LUZP1: variants seen among roughly 807,000 people sequenced by gnomAD.
The protein encoded by LUZP1 is leucine zipper protein 1.
In LUZP1, 25 loss-of-function variants were observed where a neutral mutation model predicts 71.3. That is an observed-to-expected ratio of 0.35 (90% CI 0.26 to 0.49). The LOEUF (loss-of-function observed/expected upper bound fraction) is 0.49. Ranked by LOEUF, LUZP1 falls within the 20% of genes least tolerant of loss-of-function variation. The probability of loss-of-function intolerance (pLI) is 0.99; values close to 1 mark genes in which losing one functional copy is unlikely to be tolerated. For synonymous variants in LUZP1, 481 were observed against 506.4 expected (o/e 0.95, Z 0.67); for missense variants, 1,142 against 1,300.8 (o/e 0.88, Z 1.88).
chr1:23,151,345 T>C lies in LUZP1; in HGVS notation c.-226+17421A>G, dbSNP rs546419521. Among the ~76,000 whole-genome samples, 7 of 152,232 alleles carry C rather than the reference T, an allele frequency of 4.6e-5. No homozygotes were observed. The East Asian group carries it at 1.2e-3, about 25-fold the overall frequency. On this transcript the variant is annotated intron_variant, in intron 2 of 4. Coordinates refer to ENST00000302291, the Ensembl canonical transcript of LUZP1. ...AGACATGAGCCACCGCACCCAGCCA[T>C]AACTGGGTCTTCTAAGCCCCCTTTG...
At chr1:23,154,775 C>T (rs558426618) in intron 2 of LUZP1, among the ~76,000 whole-genome samples, 6 of 146,800 alleles carry the variant, frequency 4.1e-5, no homozygotes, top group African/African-American at 1.5e-4. Flanking sequence ...AGGGTGGTCT[C>T]GATCTCCTGG....
chr1:23,092,900 C>T, exon 4 of LUZP1: 1 of 1,613,800 alleles, frequency 6.2e-7, no homozygotes, highest in Non-Finnish European at 8.5e-7. Flanking sequence ...CGGGTACAAA[C>T]CGGTCTTCAG....
intron 2 of LUZP1, among the ~76,000 whole-genome samples, chr1:23,111,139 G>A (rs1043891177): frequency 6.8e-6 from 1 of 146,656 alleles, no homozygotes; most frequent in Non-Finnish European, 1.5e-5. Flanking sequence ...GGCGGAGTTT[G>A]TGGTGAGCCC....
chr1:23,156,617 G>T (rs1644422352), intron 2 of LUZP1, among the ~76,000 whole-genome samples: 1 of 151,916 alleles, frequency 6.6e-6, no homozygotes. Flanking sequence ...TTGTAATATG[G>T]GTCATATTCA....
At position 23,100,501 on chromosome 1, in the gene LUZP1, T is replaced by C. The variant is rs117035586; in HGVS notation, c.-119-6121A>G. 3.9e-4 allele frequency among the ~76,000 whole-genome samples: 59 copies of C among 152,244 alleles called. 1 individual carries two copies. In the East Asian group the frequency reaches 9.3e-3, roughly 24 times the overall value. ...AGGTCTATGCCACACAAACAGGACA[T>C]AGACATCAAAAAACCACAACACTCA... is the stretch of plus-strand genomic sequence containing the variant. On this transcript the variant is annotated intron_variant, in intron 3 of 4. Coordinates refer to ENST00000302291, the Ensembl canonical transcript of LUZP1.
intron 3 of LUZP1, among the ~76,000 whole-genome samples, chr1:23,098,143 T>C (rs527358572): frequency 2.0e-5 from 3 of 152,274 alleles, no homozygotes; most frequent in Non-Finnish European, 1.5e-5. Flanking sequence ...GAAACCAGAA[T>C]TGGACTGAAC....
chr1:23,165,959 C>T (rs1644506279), intron 2 of LUZP1, among the ~76,000 whole-genome samples: 1 of 150,144 alleles, frequency 6.7e-6, no homozygotes, highest in South Asian at 2.1e-4. Context: ...AACAGAAATG[C>T]TTTCATCATA....
chr1:23,136,740 CTACTAAAAA>C (rs1223956141), intron 2 of LUZP1, among the ~76,000 whole-genome samples: 4 of 152,208 alleles, frequency 2.6e-5, no homozygotes, highest in Admixed American at 6.5e-5. Flanking sequence ...AACCCTGTCT[CTACTAAAAA>C]TACTAAAAAT....
chr1:23,114,756 T>C (rs1283752887), intron 2 of LUZP1, among the ~76,000 whole-genome samples: 1 of 152,212 alleles, frequency 6.6e-6, no homozygotes, highest in African/African-American at 2.4e-5. Flanking sequence ...ACGCACCCTC[T>C]AAGTGTAGAG....
chr1:23,092,769 C>T (rs749655719), exon 4 of LUZP1: 1 of 1,613,788 alleles, frequency 6.2e-7, no homozygotes, highest in South Asian at 1.1e-5. Context: ...CTTCAGTCCG[C>T]TCTCGGTGCC....
intron 2 of LUZP1, among the ~76,000 whole-genome samples, chr1:23,111,619 G>A (rs1189986337): frequency 1.3e-5 from 2 of 152,090 alleles, no homozygotes; most frequent in Non-Finnish European, 2.9e-5. Flanking sequence ...AGCTTAGGTG[G>A]ATGTGGGGGA....
intron 2 of LUZP1, among the ~76,000 whole-genome samples, chr1:23,127,497 A>T (rs1439143025): frequency 6.6e-6 from 1 of 152,196 alleles, no homozygotes; most frequent in Non-Finnish European, 1.5e-5. Context: ...CAAATTCTTC[A>T]GCTCCAATTT....
At chr1:23,089,093 TAA>T in intron 4 of LUZP1, 40 bp from the exon 4 acceptor site, 1 of 1,601,104 alleles carries the variant, frequency 6.2e-7, no homozygotes, top group Middle Eastern at 1.7e-4. Flanking sequence ...TGGAGGTCAG[TAA>T]AGTGAGGACC....
chr1:23,139,022 ATATAT>A (rs1557672956), intron 2 of LUZP1, among the ~76,000 whole-genome samples: 5,617 of 93,340 alleles, frequency 0.06, 293 homozygotes, highest in East Asian at 0.087. Context: ...AAAAAAAAAT[ATATAT>A]ATATATATAT....
intron 2 of LUZP1, among the ~76,000 whole-genome samples, chr1:23,117,507 TGGGGGGGG>T (rs1215139251): frequency 2.6e-4 from 6 of 23,088 alleles, no homozygotes; most frequent in Admixed American, 7.6e-4. Context: ...CAGGAAGCCC[TGGGGGGGG>T]GGGCGGGGGG....
At chr1:23,133,679 C>G in intron 2 of LUZP1, 1 of 152,070 alleles carries the variant, frequency 6.6e-6, no homozygotes. Context: ...GGGAGGATCA[C>G]TTGAACCTAG....
intron 3 of LUZP1, among the ~76,000 whole-genome samples, chr1:23,108,472 C>T (rs897430941): frequency 6.6e-6 from 1 of 152,104 alleles, no homozygotes; most frequent in Non-Finnish European, 1.5e-5. Flanking sequence ...TGGTGGTGCA[C>T]ACCTGTAGTC....
rs749863459 is a variant in LUZP1 at position 23,093,174 on chromosome 1, G to T, written c.1088C>A (p.Ala363Asp). The T allele has an allele frequency of 6.2e-7, 1 of 1,614,136 alleles. No homozygotes were observed. Among genetic ancestry groups the T allele is most frequent in the East Asian group, 2.2e-5 (1 of 44,878 alleles). ...ATGTCTGCCTTTGCTGGACAGGAAA[G>T]CATCTTCCCCTTCTACCTCTCCATT... The change falls in exon 4 of 5, where the codon GCT becomes GAT. Residue 363 changes from alanine (A) to aspartate (D), a missense_variant. By Grantham distance (126) the Ala-to-Asp change is moderately radical (BLOSUM62 -2). Transcript: ENST00000302291. This position sits in a 1 kb window ranked among gnomAD's most constrained non-coding sequence, Gnocchi z 4.2.
chr1:23,177,083 G>A (rs890374080), intron 1 of LUZP1, among the ~76,000 whole-genome samples: 5 of 145,382 alleles, frequency 3.4e-5, no homozygotes, highest in African/African-American at 1.0e-4. Context: ...TGGGGGGGGG[G>A]TCTCACTATG....
Sources: gnomAD v4.1 joint callset for allele counts (sites outside exome capture counted in the v4.1 genomes callset) on GRCh38, gnomAD v4.1.1 for gene constraint, Gnocchi (gnomAD v3.1) non-coding constraint, MANE v1.5 for transcripts, NCBI Gene and HGNC (gene_info 2026-07-23, HGNC 2026-07-21) for gene names.